BEND7: variants seen among roughly 807,000 people sequenced by gnomAD.
The protein encoded by BEND7 is BEN domain-containing protein 7.
In BEND7, 28 loss-of-function variants were observed where a neutral mutation model predicts 50.9. The ratio of observed to expected loss-of-function variants is 0.55; its 90% CI spans 0.41 to 0.75. The LOEUF (loss-of-function observed/expected upper bound fraction) is 0.75. BEND7 is among the 30% of genes least tolerant of loss of function. The pLI is 0.00. For synonymous variants in BEND7, 170 were observed against 183.9 expected (o/e 0.92, Z 0.61); for missense variants, 477 against 491.3 (o/e 0.97, Z 0.28).
intron 6 of BEND7, among the ~76,000 whole-genome samples, chr10:13,479,075 C>T (rs1018673536): frequency 3.3e-5 from 5 of 150,268 alleles, no homozygotes; most frequent in African/African-American, 7.3e-5. Context: ...GGTGCGATCT[C>T]AGCTTACTGC....
At chr10:13,515,676 C>A (rs1047874259) in intron 2 of BEND7, among the ~76,000 whole-genome samples, 1 of 152,200 alleles carries the variant, frequency 6.6e-6, no homozygotes, top group Admixed American at 6.5e-5. Context: ...ACTATGGTCA[C>A]GCGGCCAAAA....
In BEND7 at chr10:13,482,975, C is replaced by T. The variant is rs542204485; in HGVS notation, c.838-1851G>A. Among the ~76,000 whole-genome samples, 11 of 152,252 alleles carry T rather than the reference C, an allele frequency of 7.2e-5. No individual in the cohort carries two copies. In the South Asian group the frequency reaches 2.3e-3, roughly 32 times the overall value. Reference sequence around the variant, plus strand: ...ATAACCAGAGTTTTATTTTGCACATCCTATGCTGCATTTAGAACTTTTGTT... The same window carrying T: ...ATAACCAGAGTTTTATTTTGCACATTCTATGCTGCATTTAGAACTTTTGTT... On this transcript the variant is annotated intron_variant, in intron 5 of 8. Transcript: ENST00000466271.
At chr10:13,447,148 T>TACAGA (rs1554803688) in intron 8 of BEND7, 118 bp downstream of exon 8, 36 of 1,023,770 alleles carry the variant, frequency 3.5e-5, no homozygotes, top group Admixed American at 9.0e-5. Flanking sequence ...CCTGGTCCAC[T>TACAGA]GCAGAAGCAG....
intron 2 of BEND7, among the ~76,000 whole-genome samples, chr10:13,505,196 C>T (rs1002769960): frequency 2.0e-5 from 3 of 152,240 alleles, no homozygotes; most frequent in African/African-American, 7.2e-5. Flanking sequence ...CGCTGCACTC[C>T]CGGTTCCTCA....
chr10:13,442,374 A>G (rs955955268), intron 8 of BEND7: 1 of 152,292 alleles, frequency 6.6e-6, no homozygotes, highest in African/African-American at 2.4e-5. Flanking sequence ...CGAAGATTCA[A>G]TGCAATTTGC....
intron 8 of BEND7, chr10:13,444,464 A>C (rs937646372): frequency 1.3e-5 from 2 of 152,208 alleles, no homozygotes; most frequent in African/African-American, 4.8e-5. Flanking sequence ...CAACTTTGGA[A>C]GGAGGAAAAA....
chr10:13,526,103 G>A (rs1221690034), intron 2 of BEND7, 35 bp downstream of exon 2: 2 of 1,140,704 alleles, frequency 1.8e-6, no homozygotes, highest in East Asian at 6.0e-5. Context: ...TGGTCACGAT[G>A]TTTTGCTGAG....
intron 6 of BEND7, among the ~76,000 whole-genome samples, chr10:13,476,262 C>A (rs2131624080): frequency 6.6e-6 from 1 of 152,236 alleles, no homozygotes; most frequent in East Asian, 1.9e-4. Context: ...CCATTCTAAT[C>A]TTGTAAGAAG....
chr10:13,448,848 G>A (rs148382572), intron 7 of BEND7, among the ~76,000 whole-genome samples: 2,218 of 152,108 alleles, frequency 0.015, 40 homozygotes, highest in South Asian at 0.042. Flanking sequence ...GGTGGCAGGC[G>A]CCTGTAGTCC....
chr10:13,495,185 T>C (rs925591524), intron 4 of BEND7, among the ~76,000 whole-genome samples: 4 of 152,218 alleles, frequency 2.6e-5, no homozygotes, highest in African/African-American at 9.6e-5. Context: ...AACAAATTCC[T>C]CCTCGGAGAA....
chr10:13,490,721 C>T (rs1230809548), intron 5 of BEND7, among the ~76,000 whole-genome samples: 2 of 152,242 alleles, frequency 1.3e-5, no homozygotes, highest in Non-Finnish European at 2.9e-5. Context: ...CACTCTCTCA[C>T]CCCACCCTGC....
At chr10:13,447,566 C>T (rs528845637) in intron 7 of BEND7, among the ~76,000 whole-genome samples, 20 of 102,366 alleles carry the variant, frequency 2.0e-4, no homozygotes, top group African/African-American at 2.4e-4. Flanking sequence ...TTTTTTGAGA[C>T]GGAGTCTCGC....
At chr10:13,447,168 G>C in intron 8 of BEND7, 98 bp downstream of exon 8, 1 of 1,287,380 alleles carries the variant, frequency 7.8e-7, no homozygotes, top group Non-Finnish European at 1.1e-6. Context: ...GTTTGCTCAA[G>C]TGTCTGCATG....
At chr10:13,487,069 G>T (rs2076272054) in intron 5 of BEND7, among the ~76,000 whole-genome samples, 1 of 152,168 alleles carries the variant, frequency 6.6e-6, no homozygotes, top group Non-Finnish European at 1.5e-5. Context: ...GCTCCTTCAA[G>T]GGCAGGGACT....
intron 5 of BEND7, among the ~76,000 whole-genome samples, chr10:13,483,026 G>T (rs1159691047): frequency 6.6e-6 from 1 of 151,882 alleles, no homozygotes; most frequent in Non-Finnish European, 1.5e-5. Context: ...TTGGATTTTT[G>T]CTAAGTGCTC....
intron 6 of BEND7, among the ~76,000 whole-genome samples, chr10:13,456,146 A>G (rs1838911895): frequency 6.6e-6 from 1 of 152,106 alleles, no homozygotes; most frequent in Admixed American, 6.5e-5. Flanking sequence ...TCACCCCCCA[A>G]ATCTAGGAAG....
intron 6 of BEND7, among the ~76,000 whole-genome samples, chr10:13,460,358 GA>G (rs1839964369): frequency 6.6e-6 from 1 of 152,202 alleles, no homozygotes; most frequent in African/African-American, 2.4e-5. Context: ...TAAGGGAACT[GA>G]GTGACATTCC....
At chr10:13,438,890 G>A (rs558403347), downstream of BEND7, 3 of 377,770 alleles carry the variant, frequency 7.9e-6, no homozygotes, top group African/African-American at 4.1e-5. Context: ...TGGGTTCTGT[G>A]ATAAAGGCTC....
rs143046727 is a variant in BEND7 at position 13,516,424 on chromosome 10, A to C, written c.145+9714T>G. 9.4e-3 allele frequency among the ~76,000 whole-genome samples: 1,425 copies of C among 152,322 alleles called. 9 individuals carry two copies. Among genetic ancestry groups the C allele is most frequent in the Non-Finnish European group, 0.013 (903 of 68,028 alleles). On this transcript the variant is annotated intron_variant, in intron 2 of 8. Coordinates refer to ENST00000466271, the MANE Select transcript of BEND7 (RefSeq NM_001369863.1). ...TAGACTTTAAAGGAGGGAGACTGCT[A>C]CCTATTAAAATAGAAAACAGGCTGG...
Sources: allele counts gnomAD v4.1 joint callset (sites outside exome capture counted in the v4.1 genomes callset), GRCh38; gene constraint gnomAD v4.1.1; transcripts MANE v1.5; gene names NCBI Gene and HGNC (gene_info 2026-07-23, HGNC 2026-07-21).